Variants in DYSF observed in about 807,000 individuals in gnomAD.
The protein encoded by DYSF is dystrophy-associated fer-1-like 1.
A neutral mutation model predicts 274.9 loss-of-function variants in DYSF; 212 were observed. The observed-to-expected ratio is 0.77, with a 90% CI of 0.69 to 0.86. The LOEUF (loss-of-function observed/expected upper bound fraction) is 0.86, where lower values mean the gene tolerates loss of function less well. Ranked by LOEUF, DYSF falls within the 40% of genes least tolerant of loss-of-function variation. DYSF has a pLI of 0.00. For missense variants in DYSF, 2,666 were observed against 2,783.2 expected (o/e 0.96, Z 0.95); for synonymous variants, 1,091 against 1,078.7 (o/e 1.01, Z -0.22).
chr2:71,653,909 A>G (rs1176273185), intron 42 of DYSF, among the ~76,000 whole-genome samples: 2 of 152,006 alleles, frequency 1.3e-5, no homozygotes, highest in Non-Finnish European at 2.9e-5. Flanking sequence ...AACCATAAAT[A>G]TAACATAAAC....
chr2:71,650,800 T>A (rs2094643598), intron 42 of DYSF, among the ~76,000 whole-genome samples: 1 of 152,148 alleles, frequency 6.6e-6, no homozygotes, highest in Non-Finnish European at 1.5e-5. Flanking sequence ...GAGAAAATAC[T>A]AACAGAAAGC....
intron 51 of DYSF, 23 bp downstream of exon 51, chr2:71,669,769 G>T: frequency 6.2e-7 from 1 of 1,614,104 alleles, no homozygotes; most frequent in Non-Finnish European, 8.5e-7. Flanking sequence ...CCGATTCCCT[G>T]TGGTGCCAGC....
At chr2:71,600,865 T>C in intron 34 of DYSF, 23 bp downstream of exon 34, 1 of 1,606,066 alleles carries the variant, frequency 6.2e-7, no homozygotes, top group Non-Finnish European at 8.5e-7. Context: ...TATATCCAGA[T>C]CCAGGAGGCC....
intron 3 of DYSF, among the ~76,000 whole-genome samples, chr2:71,484,336 A>T (rs1269832034): frequency 6.6e-6 from 1 of 152,100 alleles, no homozygotes; most frequent in Non-Finnish European, 1.5e-5. Context: ...TACAGGCATG[A>T]GCCACCATGC....
chr2:71,453,991 C>T (rs2080943257), exon 1 of DYSF: 1 of 1,614,050 alleles, frequency 6.2e-7, no homozygotes, highest in Non-Finnish European at 8.5e-7. Flanking sequence ...GCCCTACACG[C>T]GCCAAGCATG....
At chr2:71,609,247 G>A (rs1170281830) in intron 36 of DYSF, among the ~76,000 whole-genome samples, 1 of 152,226 alleles carries the variant, frequency 6.6e-6, no homozygotes, top group Admixed American at 6.5e-5. Flanking sequence ...CACTGCAGCA[G>A]CCCTGTCCAT....
intron 10 of DYSF, among the ~76,000 whole-genome samples, chr2:71,517,754 T>C (rs1277465992): frequency 6.6e-6 from 1 of 152,194 alleles, no homozygotes; most frequent in Non-Finnish European, 1.5e-5. Flanking sequence ...GATATTTGTA[T>C]ACTAAAGCTG....
At chr2:71,600,992 C>T (rs1227861136) in intron 34 of DYSF, 150 bp downstream of exon 34, 7 of 1,025,968 alleles carry the variant, frequency 6.8e-6, no homozygotes, top group African/African-American at 4.8e-5. Context: ...CATCTAACAT[C>T]GGAATAGAAT....
intron 40 of DYSF, among the ~76,000 whole-genome samples, chr2:71,618,085 AGAT>A (rs2093955300): frequency 2.6e-5 from 2 of 76,786 alleles, no homozygotes; most frequent in African/African-American, 5.0e-5. Context: ...TGTGTGGTAG[AGAT>A]GGGGTGTGTG....
chr2:71,590,246 C>T lies in DYSF; in HGVS notation c.3532C>T (p.Gln1178Ter), dbSNP rs886042091. Residue 1178 changes from glutamine (Q) to a stop codon, truncating the protein, a stop_gained, in exon 32 of 56, where the codon CAG (glutamine) becomes TAG (stop). Transcript: ENST00000410020. LOFTEE classifies it high-confidence loss of function. Reference sequence around the variant, plus strand: ...CTACCATCTACGCTGCTACATGTACCAGGCCCGGGACCTGGCTGCGATGGA... The same window carrying T: ...CTACCATCTACGCTGCTACATGTACTAGGCCCGGGACCTGGCTGCGATGGA... ...NRYHLRCYMY[Q>*]ARDLAAMDKD... The T allele has an allele frequency of 2.5e-6, 4 of 1,614,048 alleles. No homozygotes were observed. In the Admixed American group the frequency reaches 5.0e-5, roughly 20 times the overall value.
At chr2:71,642,048 A>G (rs2094493702) in intron 41 of DYSF, among the ~76,000 whole-genome samples, 1 of 152,104 alleles carries the variant, frequency 6.6e-6, no homozygotes, top group African/African-American at 2.4e-5. Context: ...TCCTTTGGAA[A>G]TTTACTTGGT....
At chr2:71,501,996 C>T (rs887591538) in intron 3 of DYSF, among the ~76,000 whole-genome samples, 10 of 151,824 alleles carry the variant, frequency 6.6e-5, no homozygotes, top group African/African-American at 2.2e-4. Context: ...GTGGCTGCAC[C>T]GTTTACGTCC....
intron 48 of DYSF, among the ~76,000 whole-genome samples, 180 bp from the exon 49 acceptor site, chr2:71,668,572 CCT>C (rs1341890436): frequency 6.6e-6 from 1 of 152,188 alleles, no homozygotes; most frequent in Non-Finnish European, 1.5e-5. Context: ...AAGTCAGAGG[CCT>C]GTGGGGCAGT....
intron 42 of DYSF, among the ~76,000 whole-genome samples, chr2:71,644,982 T>C (rs1463711230): frequency 6.6e-6 from 1 of 152,148 alleles, no homozygotes; most frequent in African/African-American, 2.4e-5. Context: ...TTCAGTGCCC[T>C]GCTGCTCACA....
chr2:71,497,352 T>C (rs1212535221), intron 3 of DYSF, among the ~76,000 whole-genome samples: 1 of 152,172 alleles, frequency 6.6e-6, no homozygotes. Flanking sequence ...GTTCTCATAA[T>C]CCCCATGTGC....
Position 71,635,766 on chromosome 2 carries a change from GAAAGAAAAAAGAA to G in DYSF, c.4528-8186_4528-8174del, listed in dbSNP as rs1327866448. 8.0e-3 allele frequency among the ~76,000 whole-genome samples: 958 copies of G among 119,996 alleles called. 40 individuals carry two copies. Among genetic ancestry groups the G allele is most frequent in the Middle Eastern group, 0.013 (3 of 226 alleles). 78.7% of individuals were successfully genotyped at this position (119,996 alleles called of 152,430 possible). ...TCTGTCTCAAAAAAAAAAAAAAAAA[GAAAGAAAAAAGAA>G]AAAGAAAAAAGATGAAGGGCTCTGC... On this transcript the variant is annotated intron_variant, in intron 41 of 55. Coordinates refer to ENST00000410020, the MANE Select transcript of DYSF (RefSeq NM_001130987.2).
At chr2:71,567,827 A>T in intron 24 of DYSF, 124 bp from the exon 25 acceptor site, 1 of 1,401,384 alleles carries the variant, frequency 7.1e-7, no homozygotes. Flanking sequence ...CCCACAGGGG[A>T]CACTCCCAGT....
rs769378140 is a variant in DYSF at position 71,656,241 on chromosome 2, G to A, written c.4706G>A (p.Gly1569Asp). Residue 1569 changes from glycine to aspartate, a missense_variant, in exon 43 of 56, where the codon GGC becomes GAC. Physicochemically the swap from Gly to Asp is moderately conservative, Grantham distance 94 (BLOSUM62 -1). Coordinates refer to ENST00000410020, the MANE Select transcript of DYSF (RefSeq NM_001130987.2). ...TGTAACACCTTCAAGCTGTACCGGGGCAAGACGCAGGAGGAGACAGAAGAT... is the reference window on the plus strand; with the variant it reads ...TGTAACACCTTCAAGCTGTACCGGGACAAGACGCAGGAGGAGACAGAAGAT... ...DFCNTFKLYR[G>D]KTQEETEDPS... 3.1e-6 allele frequency: 5 copies of A among 1,614,124 alleles called. No individual in the cohort carries two copies. In the African/African-American group the frequency reaches 6.7e-5, roughly 22 times the overall value.
chr2:71,622,158 G>T, intron 41 of DYSF, among the ~76,000 whole-genome samples: 2 of 33,166 alleles, frequency 6.0e-5, no homozygotes, highest in Admixed American at 3.6e-4. Context: ...TTACGCCCAG[G>T]TACATCTGTT....
Sources: gnomAD v4.1 joint callset for allele counts (sites outside exome capture counted in the v4.1 genomes callset) on GRCh38, gnomAD v4.1.1 for gene constraint, MANE v1.5 for transcripts, NCBI Gene and HGNC (gene_info 2026-07-23, HGNC 2026-07-21) for gene names.